The following LARS2 variants were observed in gnomAD, a reference collection of about 807,000 sequenced individuals.
The protein encoded by LARS2 is leucine--tRNA ligase, mitochondrial.
A neutral mutation model predicts 116.6 loss-of-function variants in LARS2; 81 were observed. The ratio of observed to expected loss-of-function variants is 0.69; its 90% CI spans 0.58 to 0.84. The LOEUF (loss-of-function observed/expected upper bound fraction) is 0.84, where lower values mean the gene tolerates loss of function less well. Ranked by LOEUF, LARS2 falls within the 40% of genes least tolerant of loss-of-function variation. The pLI is 0.00. For synonymous variants in LARS2, 396 were observed against 407.2 expected, an observed-to-expected ratio of 0.97 and a Z score of 0.33; for missense variants, 968 against 1,114.5, an observed-to-expected ratio of 0.87 and a Z score of 1.87.
chr3:45,516,175 T>C lies in LARS2; in HGVS notation c.1943T>C (p.Val648Ala). 6.2e-7 allele frequency: 1 copy of C among 1,614,066 alleles called. No individual in the cohort carries two copies. Among genetic ancestry groups the C allele is most frequent in the Non-Finnish European group, 8.5e-7 (1 of 1,180,000 alleles). ...EKMSKSKHNG[V>A]DPEEVVEQYG... ...ATGAGTAAGTCCAAACACAACGGGG[T>C]GGACCCAGAGGAAGTTGTGGAGCAG... Residue 648 changes from valine (V) to alanine (A), a missense_variant, in exon 17 of 22, where the codon GTG (valine) becomes GCG (alanine). Physicochemically the swap from Val to Ala is moderately conservative, Grantham distance 64 (BLOSUM62 0). Coordinates refer to ENST00000645846, the MANE Select transcript of LARS2 (RefSeq NM_015340.4).
In LARS2 at chr3:45,474,201, GC is replaced by G. The variant is rs764238600; in HGVS notation, c.751-40del. ...AAATCATTTGCTTTTTCTTAAATAA[GC>G]CTTGTGCCTCTACTTCTTTGTTCTC... On this transcript the variant is annotated intron_variant, in intron 8 of 21. Transcript: ENST00000645846. 2.3e-6 allele frequency: 3 copies of G among 1,293,044 alleles called. No individual in the cohort carries two copies. The South Asian group carries it at 3.9e-5, about 17-fold the overall frequency. The allele number at this position is 1,293,044 out of a possible 1,614,324, so 80.1% of individuals were successfully genotyped here.
Position 45,506,760 on chromosome 3 carries a change from C to T in LARS2, c.1760+6181C>T, listed in dbSNP as rs1351841529. Among the ~76,000 whole-genome samples, 6 of 152,074 alleles carry T rather than the reference C, an allele frequency of 3.9e-5. No homozygotes were observed. In the East Asian group the frequency reaches 1.2e-3, roughly 29 times the overall value. On this transcript the variant is annotated intron_variant, in intron 15 of 21. Coordinates refer to ENST00000645846, the MANE Select transcript of LARS2 (RefSeq NM_015340.4). ...TGTTAGGAACTCAGTTATCTCTGAG[C>T]ACTCTTTTCACTCTGATTCTAATTT...
At chr3:45,393,475 T>C (rs967717148) in intron 2 of LARS2, among the ~76,000 whole-genome samples, 1 of 152,086 alleles carries the variant, frequency 6.6e-6, no homozygotes, top group Non-Finnish European at 1.5e-5. Context: ...CTCAGGAGGC[T>C]GAGGCAGGAG....
intron 6 of LARS2, among the ~76,000 whole-genome samples, chr3:45,433,837 CTTCGT>C (rs1007921052): frequency 2.0e-5 from 3 of 152,118 alleles, no homozygotes; most frequent in African/African-American, 7.2e-5. Flanking sequence ...TTGATTTCCC[CTTCGT>C]TTCTGAAGGA....
At position 45,394,797 on chromosome 3, in the gene LARS2, A is replaced by T. The variant is rs1241127826; in HGVS notation, c.234+110A>T. Reference sequence around the variant, plus strand: ...GATATTAAATATGTGACCTTGAACCAAATTGTTGAATTTCTCTGTGCTTCA... The same window carrying T: ...GATATTAAATATGTGACCTTGAACCTAATTGTTGAATTTCTCTGTGCTTCA... On this transcript the variant is annotated intron_variant, in intron 3 of 21. Coordinates refer to ENST00000645846, the MANE Select transcript of LARS2 (RefSeq NM_015340.4). 4 of 697,966 alleles carry T rather than the reference A, an allele frequency of 5.7e-6. No homozygotes were observed. The African/African-American group carries it at 7.2e-5, about 13-fold the overall frequency. 43.2% of individuals were successfully genotyped at this position (697,966 alleles called of 1,614,324 possible).
chr3:45,455,730 A>T (rs549973732), intron 7 of LARS2, among the ~76,000 whole-genome samples: 1 of 152,120 alleles, frequency 6.6e-6, no homozygotes, highest in Admixed American at 6.6e-5. Context: ...TAGCCAAGAT[A>T]TGGAATCAAC....
intron 7 of LARS2, among the ~76,000 whole-genome samples, chr3:45,457,808 TG>T (rs2125709857): frequency 1.3e-5 from 2 of 152,356 alleles, no homozygotes; most frequent in South Asian, 4.1e-4. Context: ...TGAATGTAGA[TG>T]GCAGAGTTAT....
chr3:45,455,124 CTTTTT>C (rs370123180), intron 7 of LARS2, among the ~76,000 whole-genome samples: 4 of 129,056 alleles, frequency 3.1e-5, no homozygotes, highest in Non-Finnish European at 5.1e-5. Context: ...TTGTGTTTTG[CTTTTT>C]TTTTTTTTTT....
intron 6 of LARS2, among the ~76,000 whole-genome samples, chr3:45,428,376 TG>T (rs1160269686): frequency 6.6e-6 from 1 of 151,142 alleles, no homozygotes; most frequent in African/African-American, 2.4e-5. Context: ...CCCGAGTAGC[TG>T]GGACTACAGA....
At position 45,530,410 on chromosome 3, in the gene LARS2, C is replaced by T. The variant is rs142020648; in HGVS notation, c.2404+6302C>T. 2.3e-4 allele frequency among the ~76,000 whole-genome samples: 35 copies of T among 152,218 alleles called. No individual in the cohort carries two copies. In the East Asian group the frequency reaches 6.6e-3, roughly 29 times the overall value. On this transcript the variant is annotated intron_variant, in intron 20 of 21. Coordinates refer to ENST00000645846, the MANE Select transcript of LARS2 (RefSeq NM_015340.4). ...TGGCATGTGCCTGTGAAGTCACATA[C>T]TCAGGAGGCTGAGGCAGGAGAGTTG...
intron 8 of LARS2, among the ~76,000 whole-genome samples, chr3:45,464,925 C>T (rs62244127): frequency 3.3e-5 from 5 of 152,154 alleles, no homozygotes; most frequent in African/African-American, 4.8e-5. Context: ...GAAGCTCTTA[C>T]TGCATTTATC....
chr3:45,442,795 A>G (rs564915707), intron 6 of LARS2, among the ~76,000 whole-genome samples: 2 of 152,326 alleles, frequency 1.3e-5, no homozygotes, highest in Middle Eastern at 6.8e-3. Context: ...GATGTTTAAC[A>G]TGTTATCAGT....
intron 17 of LARS2, 146 bp from the exon 18 acceptor site, chr3:45,517,757 T>A: frequency 1.7e-6 from 1 of 585,626 alleles, no homozygotes; most frequent in South Asian, 2.5e-5. Flanking sequence ...CCAGGGAGGA[T>A]CCTTCAGCCT....
chr3:45,535,432 T>C (rs1413538126), intron 20 of LARS2, among the ~76,000 whole-genome samples: 1 of 151,946 alleles, frequency 6.6e-6, no homozygotes, highest in African/African-American at 2.4e-5. Flanking sequence ...GTGGTGCTCG[T>C]GTTGGAGACG....
At position 45,547,676 on chromosome 3, in the gene LARS2, A is replaced by G; in HGVS notation, c.*146A>G. The G allele has an allele frequency of 1.4e-6, 1 of 705,990 alleles. No homozygotes were observed. The highest frequency in any genetic ancestry group is 2.3e-6 in the Non-Finnish European group (1 of 428,088). The allele number at this position is 705,990 out of a possible 1,614,324, so 43.7% of individuals were successfully genotyped here. On this transcript the variant is annotated 3_prime_UTR_variant, in exon 22 of 22. Transcript: ENST00000645846. Reference sequence around the variant, plus strand: ...TCGGTCCTGTGGCAGACTGCAGTCAACAGTGTGCCTCTGTAGTGTGGCCTG... The same window carrying G: ...TCGGTCCTGTGGCAGACTGCAGTCAGCAGTGTGCCTCTGTAGTGTGGCCTG...
chr3:45,476,064 CTTTTT>C (rs66954282), intron 9 of LARS2, among the ~76,000 whole-genome samples: 7 of 146,888 alleles, frequency 4.8e-5, no homozygotes, highest in Non-Finnish European at 7.5e-5. Context: ...AAGTAGATGC[CTTTTT>C]TTTTTTTTTT....
chr3:45,520,331 G>A (rs750661561), intron 19 of LARS2, 35 bp downstream of exon 19: 1 of 1,540,380 alleles, frequency 6.5e-7, no homozygotes, highest in South Asian at 1.1e-5. Context: ...GGTAGCAGAG[G>A]AGGGAGGGAG....
At chr3:45,444,109 C>G (rs1012084403) in intron 6 of LARS2, among the ~76,000 whole-genome samples, 1 of 150,928 alleles carries the variant, frequency 6.6e-6, no homozygotes, top group Non-Finnish European at 1.5e-5. Context: ...GGTTCACGCC[C>G]TTCTCCTGCC....
Position 45,419,701 on chromosome 3 carries a change from G to T in LARS2, c.488G>T (p.Arg163Leu), listed in dbSNP as rs150185028. 3.1e-6 allele frequency: 5 copies of T among 1,613,756 alleles called. No individual in the cohort carries two copies. In the Admixed American group the frequency reaches 8.3e-5, roughly 27 times the overall value. The change falls in exon 6 of 22, where the codon CGT becomes CTT. Residue 163 changes from arginine (R) to leucine (L), a missense_variant. Transcript: ENST00000645846. ...AAACACATGAGGAAACAGCTTGATC[G>T]TCTGGGCCTGTGTTTCAGCTGGGAT... ...NIKHMRKQLD[R>L]LGLCFSWDRE... is the part of the protein sequence containing the mutation.
Sources: allele counts gnomAD v4.1 joint callset (sites outside exome capture counted in the v4.1 genomes callset), GRCh38; gene constraint gnomAD v4.1.1; transcripts MANE v1.5; gene names NCBI Gene and HGNC (gene_info 2026-07-23, HGNC 2026-07-21).